The following PINX1 variants were observed in gnomAD, a reference collection of about 807,000 sequenced individuals.
The protein encoded by PINX1 is PIN2 (TERF1) interacting telomerase inhibitor 1.
Under a neutral mutation model 25.4 loss-of-function variants are expected in PINX1, and 34 were observed. The observed-to-expected ratio is 1.34, with a 90% confidence interval of 1.02 to 1.78. The LOEUF (loss-of-function observed/expected upper bound fraction) is 1.78. Among genes scored for constraint, PINX1 ranks in the 40% most tolerant of loss-of-function variants. PINX1 has a pLI of 0.00. For synonymous variants in PINX1, 197 were observed against 147.7 expected (o/e 1.33, Z -2.42); for missense variants, 592 against 404.9 (o/e 1.46, Z -3.97).
At chr8:10,792,979 C>G (rs1032993341) in intron 6 of PINX1, among the ~76,000 whole-genome samples, 1 of 152,182 alleles carries the variant, frequency 6.6e-6, no homozygotes, top group Non-Finnish European at 1.5e-5. Context: ...CTTGTCCAGA[C>G]TGTCTTGTTG....
chr8:10,804,006 G>A (rs1040832776), intron 6 of PINX1, among the ~76,000 whole-genome samples: 21 of 142,740 alleles, frequency 1.5e-4, no homozygotes, highest in African/African-American at 4.8e-4. Flanking sequence ...CTATACCAAC[G>A]AACTCATATA....
chr8:10,817,441 T>C (rs760605628), intron 6 of PINX1, among the ~76,000 whole-genome samples: 2 of 152,176 alleles, frequency 1.3e-5, no homozygotes, highest in Non-Finnish European at 2.9e-5. Context: ...TTCTTAGCAA[T>C]AGTCTACTCA....
At chr8:10,836,109 T>C (rs1372478546) in intron 1 of PINX1, among the ~76,000 whole-genome samples, 1 of 151,744 alleles carries the variant, frequency 6.6e-6, no homozygotes, top group Admixed American at 6.6e-5. Context: ...ATCACATAAT[T>C]AAAAAATAAC....
chr8:10,781,290 G>A (rs1007594387), intron 6 of PINX1, among the ~76,000 whole-genome samples: 14 of 152,134 alleles, frequency 9.2e-5, no homozygotes, highest in African/African-American at 3.4e-4. Flanking sequence ...ACTGCTTTTG[G>A]CAATAATGTG....
At chr8:10,827,165 C>T (rs1161807658) in intron 4 of PINX1, among the ~76,000 whole-genome samples, 2 of 152,104 alleles carry the variant, frequency 1.3e-5, no homozygotes, top group African/African-American at 4.8e-5. Context: ...TCCTACAAGC[C>T]TGTAATTATT....
chr8:10,777,422 C>T (rs541711385), intron 6 of PINX1, among the ~76,000 whole-genome samples: 61 of 152,312 alleles, frequency 4.0e-4, no homozygotes, highest in African/African-American at 1.4e-3. Context: ...GATGCACTCT[C>T]GGCACCATGT....
At chr8:10,808,501 G>C (rs1422376983) in intron 6 of PINX1, among the ~76,000 whole-genome samples, 1 of 152,218 alleles carries the variant, frequency 6.6e-6, no homozygotes, top group Non-Finnish European at 1.5e-5. Flanking sequence ...ATGAGTCATT[G>C]TTCAAATGCT....
Position 10,802,668 on chromosome 8 carries a change from G to A in PINX1, c.471+17525C>T, listed in dbSNP as rs768083538. ...GAGGGCAGGGGCCCGGTGGAACCAG[G>A]CACTCTACTGCTTCTACACCTCACT... On this transcript the variant is annotated intron_variant, in intron 6 of 6. Transcript: ENST00000314787. Among the ~76,000 whole-genome samples the A allele has an allele frequency of 8.1e-4, 123 of 152,242 alleles. 1 individual carries two copies. Among genetic ancestry groups the A allele is most frequent in the Non-Finnish European group, 8.7e-4 (59 of 68,018 alleles).
intron 6 of PINX1, among the ~76,000 whole-genome samples, chr8:10,800,112 G>C (rs1802219459): frequency 6.6e-6 from 1 of 152,094 alleles, no homozygotes; most frequent in Non-Finnish European, 1.5e-5. Context: ...TTCCTTCTCA[G>C]TTTTGATGGA....
In PINX1 at chr8:10,765,066, A is replaced by T. The variant is rs1312897519; in HGVS notation, c.*335T>A. The T allele has an allele frequency of 1.2e-5, 3 of 244,830 alleles. No homozygotes were observed. The East Asian group carries it at 2.5e-4, about 21-fold the overall frequency. The allele number at this position is 244,830 out of a possible 1,614,324, so 15.2% of individuals were successfully genotyped here. Reference sequence around the variant, plus strand: ...AACGGAGATAGTGACACACACACACACACACAGATGCGCACATGCACACAC... The same window carrying T: ...AACGGAGATAGTGACACACACACACTCACACAGATGCGCACATGCACACAC... On this transcript the variant is annotated 3_prime_UTR_variant, in exon 7 of 7. Transcript: ENST00000314787.
intron 2 of PINX1, chr8:10,833,393 A>G (rs1182217278): frequency 6.4e-6 from 1 of 157,076 alleles, no homozygotes; most frequent in Non-Finnish European, 1.4e-5. Context: ...GACATGATCT[A>G]ATTTCCATAT....
intron 1 of PINX1, among the ~76,000 whole-genome samples, chr8:10,836,766 G>T (rs548848521): frequency 6.6e-6 from 1 of 152,096 alleles, no homozygotes; most frequent in African/African-American, 2.4e-5. Context: ...AGAATCTCCC[G>T]GAAACTTTAC....
At position 10,786,149 on chromosome 8, in the gene PINX1, A is replaced by C. The variant is rs191447258; in HGVS notation, c.472-20233T>G. Among the ~76,000 whole-genome samples, 192 of 152,342 alleles carry C rather than the reference A, an allele frequency of 1.3e-3. 1 individual carries two copies. Among genetic ancestry groups the C allele is most frequent in the African/African-American group, 4.5e-3 (188 of 41,580 alleles). ...CGATTCAAAATGCCTTGTTATCTTA[A>C]AAAATTATTCTTAATCATTTGTTCA... On this transcript the variant is annotated intron_variant, in intron 6 of 6. Coordinates refer to ENST00000314787, the MANE Select transcript of PINX1 (RefSeq NM_017884.6).
At chr8:10,779,928 G>A (rs1257529285) in intron 6 of PINX1, among the ~76,000 whole-genome samples, 2 of 152,106 alleles carry the variant, frequency 1.3e-5, no homozygotes, top group African/African-American at 4.8e-5. Flanking sequence ...CTCCAAGTGT[G>A]GGGCAGAAAA....
chr8:10,821,608 G>C (rs780193274), intron 5 of PINX1, among the ~76,000 whole-genome samples: 92 of 152,238 alleles, frequency 6.0e-4, no homozygotes, highest in Non-Finnish European at 5.3e-4. Flanking sequence ...AACCGGGAAA[G>C]TGGGGAAGAA....
chr8:10,829,735 G>C (rs920202102), intron 4 of PINX1, among the ~76,000 whole-genome samples: 1 of 151,918 alleles, frequency 6.6e-6, no homozygotes, highest in Non-Finnish European at 1.5e-5. Flanking sequence ...GCCCAGGCTG[G>C]AGTGCAATGG....
chr8:10,807,326 C>CT (rs1802483605), intron 6 of PINX1, among the ~76,000 whole-genome samples: 2 of 56,124 alleles, frequency 3.6e-5, no homozygotes, highest in Non-Finnish European at 6.2e-5. Context: ...ATCCCCCCCC[C>CT]ACCCCCCCCC....
At chr8:10,776,717 C>T (rs889083235) in intron 6 of PINX1, among the ~76,000 whole-genome samples, 1 of 152,086 alleles carries the variant, frequency 6.6e-6, no homozygotes, top group African/African-American at 2.4e-5. Flanking sequence ...GAAGGGACCA[C>T]GAGGAAGGGG....
intron 6 of PINX1, among the ~76,000 whole-genome samples, chr8:10,795,169 C>G (rs1483101803): frequency 5.3e-5 from 8 of 152,102 alleles, no homozygotes; most frequent in Non-Finnish European, 1.0e-4. Context: ...GGTGAAAATC[C>G]TAATATCGAA....
Sources: gnomAD v4.1 joint callset for allele counts (sites outside exome capture counted in the v4.1 genomes callset) on GRCh38, gnomAD v4.1.1 for gene constraint, MANE v1.5 for transcripts, NCBI Gene and HGNC (gene_info 2026-07-23, HGNC 2026-07-21) for gene names.